The following LAMA5 variants were observed in gnomAD, a reference collection of about 807,000 sequenced individuals.
LAMA5 encodes the protein laminin subunit alpha-5.
Under a neutral mutation model 433.4 loss-of-function variants are expected in LAMA5, and 260 were observed. The observed-to-expected ratio is 0.60, with a 90% CI of 0.54 to 0.66. The LOEUF is 0.66. Ranked by LOEUF, LAMA5 falls within the 30% of genes least tolerant of loss-of-function variation. LAMA5 has a pLI of 0.00. For missense variants in LAMA5, 5,378 were observed against 5,258.5 expected, an observed-to-expected ratio of 1.02 and a Z score of -0.70; for synonymous variants, 2,620 against 2,226.6, an observed-to-expected ratio of 1.18 and a Z score of -4.97.
chr20:62,349,764 A>G (rs113264740), intron 6 of LAMA5, among the ~76,000 whole-genome samples: 169 of 246 alleles, frequency 0.69, 55 homozygotes, highest in Admixed American at 0.83. Flanking sequence ...TGACGGTGGG[A>G]GTGGGGGTGA....
At chr20:62,346,468 C>A in intron 9 of LAMA5, 38 bp downstream of exon 9, 1 of 1,537,556 alleles carries the variant, frequency 6.5e-7, no homozygotes, top group South Asian at 1.2e-5. Context: ...CAGGCAGACC[C>A]TGAGACCCAG....
In LAMA5 at chr20:62,352,023, C is replaced by T. The variant is rs753870735; in HGVS notation, c.744G>A (p.Pro248=). The T allele has an allele frequency of 4.3e-6, 7 of 1,612,534 alleles. No homozygotes were observed. Among genetic ancestry groups the T allele is most frequent in the East Asian group, 2.2e-5 (1 of 44,880 alleles). ...TGGCCTTGGTGAACTCACGTAGCAG[C>T]GGCGAGTAGGAGAAATTCATGGCGC... ...RPGAMNFSYS[P]LLREFTKATN... Residue 248 remains proline, a synonymous_variant, in exon 5 of 80, where the codon CCG becomes CCA. Coordinates refer to ENST00000252999, the MANE Select transcript of LAMA5 (RefSeq NM_005560.6).
intron 11 of LAMA5, among the ~76,000 whole-genome samples, chr20:62,344,294 T>C (rs1396625842): frequency 1.3e-5 from 2 of 151,594 alleles, no homozygotes; most frequent in African/African-American, 4.8e-5. Flanking sequence ...AAAAGACGCA[T>C]CCCAATTCCA....
chr20:62,327,253 G>A lies in LAMA5; in HGVS notation c.5092C>T (p.Pro1698Ser). 2 of 1,526,756 alleles carry A rather than the reference G, an allele frequency of 1.3e-6. No individual in the cohort carries two copies. The highest frequency in any genetic ancestry group is 1.8e-6 in the Non-Finnish European group (2 of 1,138,854). The allele number at this position is 1,526,756 out of a possible 1,614,324, so 94.6% of individuals were successfully genotyped here. A position where few individuals can be genotyped will look rare whatever the true frequency, so the allele number is the denominator to read the frequency against. ...CTTACCCGGTCCCCCAGGTAGGAGG[G>A]TGGGGCCTGCCAGTACAGCTCGGGG... Reference protein sequence around the residue: ...AFPELYWQAPPSYLGDRVSSY... With the variant: ...AFPELYWQAPSSYLGDRVSSY... Residue 1698 changes from proline to serine, a missense_variant, in exon 38 of 80, where the codon CCC becomes TCC. Pro to Ser is a moderately conservative substitution (Grantham distance 74, BLOSUM62 -1). Transcript: ENST00000252999.
In LAMA5 at chr20:62,328,921, C is replaced by T; in HGVS notation, c.4370G>A (p.Cys1457Tyr). 1 of 1,611,574 alleles carries T rather than the reference C, an allele frequency of 6.2e-7. No individual in the cohort carries two copies. The highest frequency in any genetic ancestry group is 8.5e-7 in the Non-Finnish European group (1 of 1,179,126). ...GCCAATGACATGGGCATGGCAGGGA[C>T]ACTGGCCCCCGAAGGGCTCACACGT... ...GPTCEPFGGQ[C>Y]PCHAHVIGRD... Residue 1457 changes from cysteine to tyrosine, a missense_variant, in exon 34 of 80, where the codon TGT becomes TAT. Physicochemically the swap from Cys to Tyr is radical, Grantham distance 194 (BLOSUM62 -2). Coordinates refer to ENST00000252999, the MANE Select transcript of LAMA5 (RefSeq NM_005560.6).
chr20:62,338,079 C>G lies in LAMA5; in HGVS notation c.1828G>C (p.Glu610Gln). The G allele has an allele frequency of 6.2e-7, 1 of 1,605,306 alleles. No individual in the cohort carries two copies. Among genetic ancestry groups the G allele is most frequent in the Non-Finnish European group, 8.5e-7 (1 of 1,175,560 alleles). The change falls in exon 14 of 80, where the codon GAG (glutamate) becomes CAG (glutamine). Residue 610 changes from glutamate to glutamine, a missense_variant. Physicochemically the swap from Glu to Gln is conservative, Grantham distance 29. Transcript: ENST00000252999. ...CGGTCACAATGAGGTCCAGCAAACT[C>G]AGGCTGGCATAGGCAGCGGCCGGCC... Reference protein sequence around the residue: ...DEAGRCLCQPEFAGPHCDRCR... With the variant: ...DEAGRCLCQPQFAGPHCDRCR...
chr20:62,318,778 T>A (rs1987330954), intron 52 of LAMA5, 65 bp downstream of exon 52: 2 of 1,581,184 alleles, frequency 1.3e-6, no homozygotes, highest in Admixed American at 3.5e-5. Flanking sequence ...CATGCTGACC[T>A]CCCCCTTGGA....
At chr20:62,358,330 C>G (rs573776663) in intron 2 of LAMA5, among the ~76,000 whole-genome samples, 1 of 152,144 alleles carries the variant, frequency 6.6e-6, no homozygotes, top group Admixed American at 6.5e-5. Context: ...CCCCGCCGTA[C>G]CCCCCAGGGA....
In LAMA5 at chr20:62,323,508, C is replaced by A; in HGVS notation, c.6012G>T (p.Glu2004Asp). Residue 2004 changes from glutamate (E) to aspartate (D), a missense_variant, in exon 45 of 80, where the codon GAG becomes GAT. Physicochemically the swap from Glu to Asp is conservative, Grantham distance 45 (BLOSUM62 2). Coordinates refer to ENST00000252999, the MANE Select transcript of LAMA5 (RefSeq NM_005560.6). ...TGCCGTAGAAGCCGGGGGCACAGAT[C>A]TCGCAGCGGGGCCCAGTGGTGTGGC... The part of the protein sequence containing the change: ...CLRHTTGPRC[E>D]ICAPGFYGNA... 1.3e-6 allele frequency: 2 copies of A among 1,564,316 alleles called. No individual in the cohort carries two copies. The highest frequency in any genetic ancestry group is 1.3e-5 in the African/African-American group (1 of 74,390).
At position 62,309,609 on chromosome 20, in the gene LAMA5, GA is replaced by G. The variant is rs1601260510; in HGVS notation, c.10948+106del. On this transcript the variant is annotated intron_variant, in intron 79 of 79. Transcript: ENST00000252999. ...TAGGAGGGTGGTAGGGGGGTGGGAGGAGGGTGGGAGGGGGCAGGGGGTGGAG... is the reference window on the plus strand; with the variant it reads ...TAGGAGGGTGGTAGGGGGGTGGGAGGGGGTGGGAGGGGGCAGGGGGTGGAG... The G allele has an allele frequency of 4.6e-5, 22 of 478,532 alleles. 1 individual carries two copies. Among genetic ancestry groups the G allele is most frequent in the Admixed American group, 8.6e-5 (2 of 23,334 alleles). The allele number at this position is 478,532 out of a possible 1,614,324, so 29.6% of individuals were successfully genotyped here. A position where few individuals can be genotyped will look rare whatever the true frequency, so the allele number is the denominator to read the frequency against.
chr20:62,347,231 T>G (rs920755363), intron 6 of LAMA5, among the ~76,000 whole-genome samples: 6 of 151,044 alleles, frequency 4.0e-5, no homozygotes, highest in Non-Finnish European at 5.9e-5. Flanking sequence ...CTGACGCAAC[T>G]TCCCCAGGCT....
chr20:62,326,570 GT>G (rs1979326959), intron 40 of LAMA5, 106 bp downstream of exon 40: 2 of 911,346 alleles, frequency 2.2e-6, no homozygotes, highest in African/African-American at 3.3e-5. Flanking sequence ...CTCCTGGGCT[GT>G]TTTCCACCAC....
At chr20:62,352,501 C>T (rs1184985035) in intron 3 of LAMA5, 141 bp from the exon 4 acceptor site, 8 of 647,568 alleles carry the variant, frequency 1.2e-5, no homozygotes, top group Non-Finnish European at 1.9e-5. Flanking sequence ...GACCACAGCT[C>T]ACTGGCTGAA....
rs377003482 is a variant in LAMA5, at chr20:62,323,517, G to A, written c.6003C>T (p.Pro2001=). 7 of 1,571,448 alleles carry A rather than the reference G, an allele frequency of 4.5e-6. No individual in the cohort carries two copies. The African/African-American group carries it at 9.4e-5, about 21-fold the overall frequency. Residue 2001 remains proline (P), a synonymous_variant, in exon 45 of 80, where the codon CCC becomes CCT. Transcript: ENST00000252999. ...CRGCLRHTTG[P]RCEICAPGFY... is the part of the protein sequence containing the mutation. The stretch of plus-strand genomic sequence containing the variant: ...AGCCGGGGGCACAGATCTCGCAGCG[G>A]GGCCCAGTGGTGTGGCGCAGGCAGC...
chr20:62,363,191 A>T (rs568766207), intron 1 of LAMA5, among the ~76,000 whole-genome samples: 2 of 152,252 alleles, frequency 1.3e-5, no homozygotes, highest in East Asian at 3.9e-4. Flanking sequence ...GTCTCCAGAG[A>T]GACAGAATTA....
At chr20:62,358,829 G>A (rs948622527) in intron 2 of LAMA5, among the ~76,000 whole-genome samples, 1 of 152,108 alleles carries the variant, frequency 6.6e-6, no homozygotes, top group African/African-American at 2.4e-5. Flanking sequence ...GACTTCAGCA[G>A]AGCTTTGCCT....
Position 62,322,333 on chromosome 20 carries a change from G to A in LAMA5, c.6282C>T (p.Thr2094=), listed in dbSNP as rs146932297. ...QSGQCHCRPG[T]MGPQCRECAP... ...CACACTCGCGGCACTGGGGTCCCAT[G>A]GTCCCTGGTCGGCAGTGGCACTGTC... is the stretch of plus-strand genomic sequence containing the variant. Residue 2094 remains threonine (T), a synonymous_variant, in exon 47 of 80, where the codon ACC becomes ACT. Transcript: ENST00000252999. The A allele has an allele frequency of 1.4e-4, 222 of 1,598,256 alleles. No homozygotes were observed. The highest frequency in any genetic ancestry group is 1.7e-4 in the Non-Finnish European group (204 of 1,174,250).
rs1291573641 is a variant in LAMA5, at chr20:62,332,357, C to A, written c.3552+15G>T. On this transcript the variant is annotated intron_variant, in intron 28 of 79. Transcript: ENST00000252999. ...GAAGCTGACCCCTTGGGGTGGGGAC[C>A]TGAGGGGTCCTTACCAGGAAGAAGC... The A allele has an allele frequency of 3.2e-6, 5 of 1,581,958 alleles. No individual in the cohort carries two copies. Among genetic ancestry groups the A allele is most frequent in the South Asian group, 1.1e-5 (1 of 90,450 alleles).
chr20:62,326,232 C>CA (rs79555565), intron 40 of LAMA5, among the ~76,000 whole-genome samples: 3,352 of 63,658 alleles, frequency 0.053, 66 homozygotes, highest in Non-Finnish European at 0.057. Flanking sequence ...AACAAACAAA[C>CA]AAAAAAAAAA....
Sources: gnomAD v4.1 joint callset for allele counts (sites outside exome capture counted in the v4.1 genomes callset) on GRCh38, gnomAD v4.1.1 for gene constraint, MANE v1.5 for transcripts, NCBI Gene and HGNC (gene_info 2026-07-23, HGNC 2026-07-21) for gene names.